Variants in TRAF5 observed in about 807,000 individuals in gnomAD.
TRAF5 encodes TNF receptor-associated factor 5.
TRAF5 carries 48 observed loss-of-function variants against 64.5 expected under a neutral mutation model. The ratio of observed to expected loss-of-function variants is 0.74; its 90% CI spans 0.59 to 0.95. The LOEUF (loss-of-function observed/expected upper bound fraction) is 0.95, where lower values mean the gene tolerates loss of function less well. Among genes scored for constraint, TRAF5 ranks in the 40% least tolerant of loss-of-function variants. The pLI is 0.00. For synonymous variants in TRAF5, 206 were observed against 240.5 expected, an observed-to-expected ratio of 0.86 and a Z score of 1.33; for missense variants, 545 against 662.8, an observed-to-expected ratio of 0.82 and a Z score of 1.95.
intron 1 of TRAF5, among the ~76,000 whole-genome samples, chr1:211,350,821 C>T (rs1702763024): frequency 6.6e-6 from 1 of 152,134 alleles, no homozygotes; most frequent in Non-Finnish European, 1.5e-5. Flanking sequence ...TGAGGTCCCT[C>T]TTCCGGGCTG....
chr1:211,352,059 A>G (rs542087889), intron 1 of TRAF5, among the ~76,000 whole-genome samples: 1 of 152,306 alleles, frequency 6.6e-6, no homozygotes, highest in African/African-American at 2.4e-5. Flanking sequence ...GTTCAAGACC[A>G]GGCTGGGCAG....
chr1:211,360,863 A>G, intron 6 of TRAF5, 84 bp downstream of exon 6: 1 of 1,310,760 alleles, frequency 7.6e-7, no homozygotes, highest in South Asian at 1.2e-5. Context: ...TACAGTCCCA[A>G]AGATAAGGGC....
chr1:211,351,505 GTGAGTAATATATT>G (rs1481121600), intron 1 of TRAF5, among the ~76,000 whole-genome samples: 7 of 151,994 alleles, frequency 4.6e-5, no homozygotes, highest in African/African-American at 1.7e-4. Context: ...GATAGATACT[GTGAGTAATATATT>G]TGTGTGCAAG....
At chr1:211,346,549 TTA>T in intron 1 of TRAF5, 1 of 470,524 alleles carries the variant, frequency 2.1e-6, no homozygotes, top group Non-Finnish European at 2.8e-6. Context: ...TTTTGTGGAC[TTA>T]TGTCTTATGC....
intron 1 of TRAF5, among the ~76,000 whole-genome samples, chr1:211,331,058 G>A (rs142065490): frequency 6.2e-4 from 94 of 152,252 alleles, no homozygotes; most frequent in African/African-American, 2.2e-3. Context: ...CTTTCTCTCT[G>A]TTCTCTCTGT....
intron 8 of TRAF5, among the ~76,000 whole-genome samples, chr1:211,366,774 G>A (rs558653339): frequency 2.0e-5 from 3 of 152,338 alleles, no homozygotes; most frequent in Non-Finnish European, 2.9e-5. Context: ...AGAGACTGGT[G>A]TGTTGGATCC....
At chr1:211,364,441 C>A (rs906035125) in intron 7 of TRAF5, among the ~76,000 whole-genome samples, 2 of 152,094 alleles carry the variant, frequency 1.3e-5, no homozygotes, top group African/African-American at 2.4e-5. Flanking sequence ...AATCCCAGCA[C>A]TTTGGGAGGC....
chr1:211,327,218 C>A (rs1037894525), intron 1 of TRAF5, among the ~76,000 whole-genome samples: 2 of 152,020 alleles, frequency 1.3e-5, no homozygotes, highest in Non-Finnish European at 2.9e-5. Context: ...GTCCAGAGGG[C>A]GGCTGTGGAC....
At chr1:211,358,668 T>C (rs1301881358) in intron 4 of TRAF5, 9 of 151,230 alleles carry the variant, frequency 6.0e-5, no homozygotes, top group East Asian at 1.9e-4. Context: ...ATTGCGCCAC[T>C]TCACTCCAGC....
rs1235410099 is a variant in TRAF5, at chr1:211,353,400, A to G, written c.161A>G (p.Asn54Ser). Residue 54 changes from asparagine to serine, a missense_variant, in exon 2 of 11, where the codon AAC (asparagine) becomes AGC (serine). By Grantham distance (46) the Asn-to-Ser change is conservative (BLOSUM62 1). Coordinates refer to ENST00000261464, the MANE Select transcript of TRAF5 (RefSeq NM_001033910.3). The part of the protein sequence containing the change: ...KCAFCHSVLH[N>S]PHQTGCGHRF... ...GCCTTCTGCCACTCGGTGCTTCACA[A>G]CCCCCACCAGACAGGATGTGGGCAC... 1.9e-6 allele frequency: 3 copies of G among 1,613,736 alleles called. No homozygotes were observed. Among genetic ancestry groups the G allele is most frequent in the African/African-American group, 2.7e-5 (2 of 74,814 alleles).
At chr1:211,336,886 A>G (rs1203849147) in intron 1 of TRAF5, among the ~76,000 whole-genome samples, 1 of 152,188 alleles carries the variant, frequency 6.6e-6, no homozygotes, top group Non-Finnish European at 1.5e-5. Context: ...GTCAAACTCC[A>G]GACCTCAACT....
intron 1 of TRAF5, among the ~76,000 whole-genome samples, chr1:211,351,634 A>G (rs1330173727): frequency 6.6e-6 from 1 of 151,932 alleles, no homozygotes; most frequent in Non-Finnish European, 1.5e-5. Flanking sequence ...TTCTGAGTTC[A>G]TTTTTGTGAA....
chr1:211,371,891 G>A (rs998396354), intron 10 of TRAF5, among the ~76,000 whole-genome samples: 4 of 152,214 alleles, frequency 2.6e-5, no homozygotes, highest in Admixed American at 6.5e-5. Flanking sequence ...AATGCTCAGT[G>A]TGTCTTCTCT....
intron 2 of TRAF5, chr1:211,353,715 C>G (rs1487085386): frequency 4.1e-6 from 2 of 493,606 alleles, no homozygotes; most frequent in Non-Finnish European, 7.4e-6. Context: ...CCTAGACACA[C>G]ACTCCATCAT....
At chr1:211,367,015 C>A (rs1035303662) in intron 8 of TRAF5, among the ~76,000 whole-genome samples, 3 of 151,812 alleles carry the variant, frequency 2.0e-5, no homozygotes, top group African/African-American at 7.3e-5. Flanking sequence ...AGGGTCTGGC[C>A]CTGTCACCCA....
At chr1:211,332,115 C>T (rs1018874299) in intron 1 of TRAF5, among the ~76,000 whole-genome samples, 1 of 152,174 alleles carries the variant, frequency 6.6e-6, no homozygotes, top group Admixed American at 6.5e-5. Flanking sequence ...AGGGGCCAGG[C>T]AGCCTCAGAG....
At chr1:211,356,293 C>A in intron 3 of TRAF5, 74 bp from the exon 4 acceptor site, 2 of 1,324,666 alleles carry the variant, frequency 1.5e-6, no homozygotes, top group South Asian at 1.3e-5. Context: ...ACTCGAAGAC[C>A]AAATTAGTAA....
chr1:211,360,992 T>C, intron 6 of TRAF5, 96 bp from the exon 7 acceptor site: 2 of 1,270,262 alleles, frequency 1.6e-6, no homozygotes, highest in Non-Finnish European at 2.3e-6. Context: ...CTTCTCCTGG[T>C]CCTTGCCTTC....
intron 1 of TRAF5, among the ~76,000 whole-genome samples, chr1:211,348,257 A>G (rs796703567): frequency 1.3e-5 from 2 of 152,308 alleles, no homozygotes; most frequent in Admixed American, 6.5e-5. Context: ...CTTCTCACTA[A>G]TTCTTTTGTT....
Sources: gnomAD v4.1 joint callset for allele counts (sites outside exome capture counted in the v4.1 genomes callset) on GRCh38, gnomAD v4.1.1 for gene constraint, MANE v1.5 for transcripts, NCBI Gene and HGNC (gene_info 2026-07-23, HGNC 2026-07-21) for gene names.